TMEM39A: variants seen among roughly 807,000 people sequenced by gnomAD.
TMEM39A encodes suppressor of SQST-1 aggregates in rpl-43 mutants.
TMEM39A carries 19 observed loss-of-function variants against 51.9 expected under a neutral mutation model. That is an observed-to-expected ratio of 0.37 (90% CI 0.26 to 0.54). The LOEUF is 0.54. Among genes scored for constraint, TMEM39A ranks in the 20% least tolerant of loss-of-function variants. The pLI, the probability that TMEM39A is intolerant of heterozygous loss-of-function variation, is 0.88. For missense variants in TMEM39A, 433 were observed against 590.5 expected (o/e 0.73, Z 2.76); for synonymous variants, 197 against 220.2 (o/e 0.89, Z 0.93).
At chr3:119,453,938 A>G (rs1385048069) in intron 3 of TMEM39A, among the ~76,000 whole-genome samples, 1 of 152,232 alleles carries the variant, frequency 6.6e-6, no homozygotes. Flanking sequence ...AAGGAGGTGC[A>G]GAGCCCATTT....
intron 4 of TMEM39A, 109 bp from the exon 5 acceptor site, chr3:119,447,281 TAA>T: frequency 8.6e-7 from 1 of 1,162,576 alleles, no homozygotes; most frequent in Middle Eastern, 2.1e-4. Context: ...AATGTGTCTT[TAA>T]AAAGTGAAAT....
At chr3:119,441,095 C>G (rs2081046972) in intron 5 of TMEM39A, among the ~76,000 whole-genome samples, 1 of 152,148 alleles carries the variant, frequency 6.6e-6, no homozygotes, top group Admixed American at 6.6e-5. Context: ...ATCAATGAGC[C>G]ATTCCCCCAT....
chr3:119,456,807 T>C (rs1192389299), intron 3 of TMEM39A, among the ~76,000 whole-genome samples: 1 of 152,190 alleles, frequency 6.6e-6, no homozygotes, highest in African/African-American at 2.4e-5. Flanking sequence ...GGTCTCACTA[T>C]GTTGCCTAGG....
chr3:119,454,078 G>C (rs149498322), intron 3 of TMEM39A, among the ~76,000 whole-genome samples: 1 of 152,172 alleles, frequency 6.6e-6, no homozygotes, highest in Non-Finnish European at 1.5e-5. Context: ...CAATCACAAA[G>C]GCCCTAAGAC....
chr3:119,458,914 A>G (rs1465800643), intron 2 of TMEM39A, among the ~76,000 whole-genome samples: 1 of 152,206 alleles, frequency 6.6e-6, no homozygotes, highest in Non-Finnish European at 1.5e-5. Context: ...AACCAAAAAA[A>G]GAATATAAAA....
intron 5 of TMEM39A, among the ~76,000 whole-genome samples, chr3:119,441,300 C>T (rs2081050224): frequency 1.3e-5 from 2 of 152,192 alleles, no homozygotes; most frequent in African/African-American, 4.8e-5. Flanking sequence ...AGCTGGGCCT[C>T]TTGTATTAGC....
At chr3:119,435,875 G>T in intron 7 of TMEM39A, 1 of 1,289,560 alleles carries the variant, frequency 7.8e-7, no homozygotes, top group Non-Finnish European at 1.0e-6. Context: ...GCCCACAGTC[G>T]GGTTTCTTTT....
chr3:119,435,176 AGTGT>A (rs1327421737), intron 7 of TMEM39A: 1 of 985,328 alleles, frequency 1.0e-6, no homozygotes, highest in Non-Finnish European at 1.2e-6. Context: ...GCCAGAAAAC[AGTGT>A]GTAAGCAGGG....
chr3:119,435,293 T>C (rs1304963651), intron 7 of TMEM39A: 2 of 985,190 alleles, frequency 2.0e-6, no homozygotes, highest in African/African-American at 3.5e-5. Flanking sequence ...GTGGAGAAAT[T>C]AGCACATTGT....
At chr3:119,454,525 C>A (rs1192631415) in intron 3 of TMEM39A, among the ~76,000 whole-genome samples, 1 of 152,186 alleles carries the variant, frequency 6.6e-6, no homozygotes, top group Non-Finnish European at 1.5e-5. Context: ...GGTGCGGTGG[C>A]TCACGCCTGT....
intron 6 of TMEM39A, 93 bp downstream of exon 6, chr3:119,437,662 A>AGACAGAGAAAAGGGGG (rs2080989365): frequency 9.6e-7 from 1 of 1,046,034 alleles, no homozygotes; most frequent in Admixed American, 2.5e-5. Flanking sequence ...GCCAAAGGGG[A>AGACAGAGAAAAGGGGG]GACAGAGAAA....
intron 5 of TMEM39A, among the ~76,000 whole-genome samples, chr3:119,440,957 TC>T (rs979872261): frequency 1.3e-5 from 2 of 152,228 alleles, no homozygotes; most frequent in African/African-American, 4.8e-5. Context: ...TCAAACTTTT[TC>T]ATTACTATTA....
At chr3:119,452,177 A>T (rs35563598) in intron 4 of TMEM39A, among the ~76,000 whole-genome samples, 22,087 of 152,230 alleles carry the variant, frequency 0.15, 2,011 homozygotes, top group Admixed American at 0.2. Flanking sequence ...ATTTTTACTG[A>T]AACTATTTAA....
Position 119,437,880 on chromosome 3 carries a change from G to C in TMEM39A, c.799C>G (p.Pro267Ala). ...PIPTHSCPLS[P>A]DLIRNEVECL... ...TCTACTTCATTGCGAATGAGGTCTG[G>C]AGATAGGGGACAACTGTGGGTGGGG... Residue 267 changes from proline (P) to alanine (A), a missense_variant, in exon 6 of 9, where the codon CCA (proline) becomes GCA (alanine). Physicochemically the swap from Pro to Ala is conservative, Grantham distance 27. Transcript: ENST00000319172. 1 of 1,613,566 alleles carries C rather than the reference G, an allele frequency of 6.2e-7. No individual in the cohort carries two copies. Among genetic ancestry groups the C allele is most frequent in the Non-Finnish European group, 8.5e-7 (1 of 1,179,526 alleles).
At chr3:119,445,813 G>T (rs1361293920) in intron 5 of TMEM39A, among the ~76,000 whole-genome samples, 1 of 152,192 alleles carries the variant, frequency 6.6e-6, no homozygotes, top group African/African-American at 2.4e-5. Context: ...GATTACACTG[G>T]TGATAGCTGT....
Position 119,437,925 on chromosome 3 carries a change from A to T in TMEM39A, c.754T>A (p.Phe252Ile). 3.7e-6 allele frequency: 6 copies of T among 1,613,992 alleles called. No individual in the cohort carries two copies. Among genetic ancestry groups the T allele is most frequent in the Non-Finnish European group, 3.4e-6 (4 of 1,179,964 alleles). Reference sequence around the variant, plus strand: ...GTGGGGATGGGTGTGGCATTATTAAACTGTTCTTTTAGCGACTCCAGCAAC... The same window carrying T: ...GTGGGGATGGGTGTGGCATTATTAATCTGTTCTTTTAGCGACTCCAGCAAC... Reference protein sequence around the residue: ...SLLLESLKEQFNNATPIPTHS... With the variant: ...SLLLESLKEQINNATPIPTHS... Residue 252 changes from phenylalanine (F) to isoleucine (I), a missense_variant, in exon 6 of 9, where the codon TTT becomes ATT. Transcript: ENST00000319172.
chr3:119,439,354 G>A lies in TMEM39A; in HGVS notation c.576-1251C>T, dbSNP rs571156100. 2.6e-5 allele frequency among the ~76,000 whole-genome samples: 4 copies of A among 152,162 alleles called. No homozygotes were observed. The South Asian group carries it at 8.3e-4, about 32-fold the overall frequency. On this transcript the variant is annotated intron_variant, in intron 5 of 8. Transcript: ENST00000319172. The stretch of plus-strand genomic sequence containing the variant: ...CCAGCACTTTGGGAGGCCAAGGCGA[G>A]CAGGTCACCTGAGGTCAGGAGTTCA...
At chr3:119,436,147 C>T (rs941447421) in intron 7 of TMEM39A, among the ~76,000 whole-genome samples, 1 of 152,084 alleles carries the variant, frequency 6.6e-6, no homozygotes, top group Non-Finnish European at 1.5e-5. Flanking sequence ...TAAAACGGTC[C>T]TAATGTTAGC....
intron 4 of TMEM39A, among the ~76,000 whole-genome samples, chr3:119,447,875 A>C (rs149342653): frequency 4.9e-4 from 74 of 152,268 alleles, no homozygotes; most frequent in African/African-American, 1.6e-3. Context: ...CCCACCTCCC[A>C]AAGTGCTGGG....
Sources: allele counts gnomAD v4.1 joint callset (sites outside exome capture counted in the v4.1 genomes callset), GRCh38; gene constraint gnomAD v4.1.1; transcripts MANE v1.5; gene names NCBI Gene and HGNC (gene_info 2026-07-23, HGNC 2026-07-21).